The following C21orf58 variants were observed in gnomAD, a reference collection of about 807,000 sequenced individuals.
C21orf58 encodes the protein chromosome 21 open reading frame 58, also known as uncharacterized protein C21orf58.
C21orf58 carries 34 observed loss-of-function variants against 35.8 expected under a neutral mutation model. The observed-to-expected ratio is 0.95, with a 90% confidence interval of 0.72 to 1.26. C21orf58 has a LOEUF of 1.26. Ranked by LOEUF, C21orf58 falls within the 50% of genes most tolerant of loss-of-function variation. C21orf58 has a pLI of 0.00. For missense variants in C21orf58, 440 were observed against 414.3 expected, an observed-to-expected ratio of 1.06 and a Z score of -0.54; for synonymous variants, 191 against 175.8, an observed-to-expected ratio of 1.09 and a Z score of -0.68.
rs1323392392 is a variant in C21orf58 at position 46,303,151 on chromosome 21, C to T, written c.722-575G>A. On this transcript the variant is annotated intron_variant, in intron 6 of 7. Coordinates refer to ENST00000291691, the MANE Select transcript of C21orf58 (RefSeq NM_058180.5). ...TGTACTCCAGCCTGGGCAACCAGGGCGAAACTCCGTCTCAAGAAAAAAAAA... is the reference window on the plus strand; with the variant it reads ...TGTACTCCAGCCTGGGCAACCAGGGTGAAACTCCGTCTCAAGAAAAAAAAA... 2.6e-5 allele frequency among the ~76,000 whole-genome samples: 4 copies of T among 151,054 alleles called. No homozygotes were observed. The South Asian group carries it at 6.3e-4, about 24-fold the overall frequency.
At chr21:46,315,921 C>A (rs2082959386) in intron 3 of C21orf58, among the ~76,000 whole-genome samples, 1 of 152,146 alleles carries the variant, frequency 6.6e-6, no homozygotes, top group African/African-American at 2.4e-5. Context: ...ACCTTGGCCA[C>A]CTGGAGCCAC....
Position 46,322,662 on chromosome 21 carries a change from T to A in C21orf58, c.77A>T (p.Asp26Val). ...ACCACACAGAAGACTGTGGCCTGAGTCAGGAGAAGGAAGTTTCTGGCGGTC... is the reference window on the plus strand; with the variant it reads ...ACCACACAGAAGACTGTGGCCTGAGACAGGAGAAGGAAGTTTCTGGCGGTC... ...KLDRQKLPSP[D>V]SGHSLLCGWS... The change falls in exon 1 of 8, where the codon GAC (aspartate) becomes GTC (valine). Residue 26 changes from aspartate (D) to valine (V), a missense_variant. Transcript: ENST00000291691. 2 of 1,592,446 alleles carry A rather than the reference T, an allele frequency of 1.3e-6. No homozygotes were observed. The highest frequency in any genetic ancestry group is 1.7e-6 in the Non-Finnish European group (2 of 1,169,044).
chr21:46,315,384 T>C (rs1407636252), intron 4 of C21orf58, 90 bp downstream of exon 4: 6 of 853,210 alleles, frequency 7.0e-6, no homozygotes, highest in African/African-American at 1.7e-5. Flanking sequence ...AGGTCTTCCC[T>C]AATACTCCCC....
In C21orf58 at chr21:46,302,018, C is replaced by T. The variant is rs968643076; in HGVS notation, c.950G>A (p.Trp317Ter). 15 of 1,533,564 alleles carry T rather than the reference C, an allele frequency of 9.8e-6. No homozygotes were observed. In the African/African-American group the frequency reaches 1.5e-4, roughly 16 times the overall value. 95.0% of individuals were successfully genotyped at this position (1,533,564 alleles called of 1,614,324 possible). ...TCACACTCAGGGTGGGCCAGGCGTCCACAGGCTGGGGGCGGGCTGGAGGAC... is the reference window on the plus strand; with the variant it reads ...TCACACTCAGGGTGGGCCAGGCGTCTACAGGCTGGGGGCGGGCTGGAGGAC... ...ATVLQPAPSL[W>*]TPGPP The change falls in exon 8 of 8, where the codon TGG becomes TAG. Residue 317 changes from tryptophan (W) to a stop codon, truncating the protein, a stop_gained. Coordinates refer to ENST00000291691, the MANE Select transcript of C21orf58 (RefSeq NM_058180.5). LOFTEE classifies it low-confidence loss of function (END_TRUNC).
chr21:46,301,042 C>A, downstream of C21orf58: 1 of 1,036,556 alleles, frequency 9.6e-7, no homozygotes, highest in Non-Finnish European at 1.2e-6. Context: ...GCTGTGCAAA[C>A]CAGCATGTAG....
Position 46,318,545 on chromosome 21 carries a change from G to C in C21orf58, c.101-325C>G, listed in dbSNP as rs1452457535. ...CAGTCCAGAAGAACCTGTGTGTCAG[G>C]GGAGGGCGCCCCACCTGTGTACTGC... is the stretch of plus-strand genomic sequence containing the variant. On this transcript the variant is annotated intron_variant, in intron 1 of 7. Transcript: ENST00000291691. 17 of 1,243,508 alleles carry C rather than the reference G, an allele frequency of 1.4e-5. No individual in the cohort carries two copies. The South Asian group carries it at 2.3e-4, about 17-fold the overall frequency. 77.0% of individuals were successfully genotyped at this position (1,243,508 alleles called of 1,614,324 possible). A position where few individuals can be genotyped will look rare whatever the true frequency, so the allele number is the denominator to read the frequency against.
chr21:46,302,011 AGGCGTCCACAGGCTGGGGGCGG>A lies in C21orf58; in HGVS notation c.935_956del (p.Pro312LeufsTer80), dbSNP rs772765255. ...CTGTGACTCACACTCAGGGTGGGCC[AGGCGTCCACAGGCTGGGGGCGG>A]GCTGGAGGACAGTGGCAGCCCCAGG... On this transcript the variant is annotated frameshift_variant, in exon 8 of 8. Transcript: ENST00000291691. LOFTEE classifies it high-confidence loss of function. 1 of 1,531,442 alleles carries A rather than the reference AGGCGTCCACAGGCTGGGGGCGG, an allele frequency of 6.5e-7. No homozygotes were observed. Among genetic ancestry groups the A allele is most frequent in the Non-Finnish European group, 8.8e-7 (1 of 1,138,886 alleles). 94.9% of individuals were successfully genotyped at this position (1,531,442 alleles called of 1,614,324 possible). A position where few individuals can be genotyped will look rare whatever the true frequency, so the allele number is the denominator to read the frequency against.
At chr21:46,314,381 G>A (rs1484488576) in intron 5 of C21orf58, among the ~76,000 whole-genome samples, 1 of 152,090 alleles carries the variant, frequency 6.6e-6, no homozygotes, top group Non-Finnish European at 1.5e-5. Context: ...CCCGGCCAGT[G>A]ATAAAGTTCT....
Position 46,301,769 on chromosome 21 carries a change from C to A in C21orf58, c.*230G>T. On this transcript the variant is annotated 3_prime_UTR_variant, in exon 8 of 8. Coordinates refer to ENST00000291691, the MANE Select transcript of C21orf58 (RefSeq NM_058180.5). ...CTGTTGCCCTGGTGGGGTTCACAGGCCCCTCACTGCAGGGGACCCGGAGCA... is the reference window on the plus strand; with the variant it reads ...CTGTTGCCCTGGTGGGGTTCACAGGACCCTCACTGCAGGGGACCCGGAGCA... The A allele has an allele frequency of 8.1e-7, 1 of 1,229,848 alleles. No individual in the cohort carries two copies. The highest frequency in any genetic ancestry group is 1.0e-6 in the Non-Finnish European group (1 of 986,504). The allele number at this position is 1,229,848 out of a possible 1,614,324, so 76.2% of individuals were successfully genotyped here. A position where few individuals can be genotyped will look rare whatever the true frequency, so the allele number is the denominator to read the frequency against.
At chr21:46,317,605 C>G (rs970250207) in intron 2 of C21orf58, among the ~76,000 whole-genome samples, 3 of 152,260 alleles carry the variant, frequency 2.0e-5, no homozygotes, top group South Asian at 2.1e-4. Flanking sequence ...GATCACCCCC[C>G]ACCTGAACCC....
chr21:46,302,598 A>G, intron 6 of C21orf58, 22 bp from the exon 7 acceptor site: 1 of 1,584,984 alleles, frequency 6.3e-7, no homozygotes. Context: ...AAGCAGGGGG[A>G]CCCTGAATAA....
In C21orf58 at chr21:46,314,880, C is replaced by T. The variant is rs1220043016; in HGVS notation, c.445G>A (p.Glu149Lys). ...RRRDLLQRLREQHLLDELSRA... is the reference protein window; with the variant it reads ...RRRDLLQRLRKQHLLDELSRA... ...GAGAGCTCGTCCAGGAGGTGTTGTT[C>T]CTGCAAGGCCGATGCAGAGCTGCTG... is the stretch of plus-strand genomic sequence containing the variant. Residue 149 changes from glutamate to lysine, a missense_variant and splice_region_variant, in exon 5 of 8, where the codon GAA becomes AAA. By Grantham distance (56) the Glu-to-Lys change is moderately conservative (BLOSUM62 1). Coordinates refer to ENST00000291691, the MANE Select transcript of C21orf58 (RefSeq NM_058180.5). 4 of 1,550,334 alleles carry T rather than the reference C, an allele frequency of 2.6e-6. No individual in the cohort carries two copies. Among genetic ancestry groups the T allele is most frequent in the East Asian group, 2.4e-5 (1 of 40,914 alleles).
chr21:46,312,760 G>GT (rs746894591), intron 5 of C21orf58, among the ~76,000 whole-genome samples: 8 of 152,314 alleles, frequency 5.3e-5, no homozygotes, highest in Middle Eastern at 6.8e-3. Context: ...GACGGATGGT[G>GT]TTGAGCATCT....
At chr21:46,306,591 T>G (rs1010921353) in intron 6 of C21orf58, among the ~76,000 whole-genome samples, 1 of 152,192 alleles carries the variant, frequency 6.6e-6, no homozygotes, top group Non-Finnish European at 1.5e-5. Context: ...TTCCATTTAT[T>G]TATGTATTTA....
At position 46,301,975 on chromosome 21, in the gene C21orf58, G is replaced by A. The variant is rs371284029; in HGVS notation, c.*24C>T. On this transcript the variant is annotated 3_prime_UTR_variant, in exon 8 of 8. Coordinates refer to ENST00000291691, the MANE Select transcript of C21orf58 (RefSeq NM_058180.5). ...GAAGCCTGGGGGTGGAGGGTGCCCC[G>A]GCCAGGGTCTCTGTGACTCACACTC... 72 of 1,498,118 alleles carry A rather than the reference G, an allele frequency of 4.8e-5. No homozygotes were observed. The highest frequency in any genetic ancestry group is 3.4e-4 in the African/African-American group (24 of 71,062). 92.8% of individuals were successfully genotyped at this position (1,498,118 alleles called of 1,614,324 possible).
chr21:46,311,655 C>A, intron 5 of C21orf58, 88 bp from the exon 6 acceptor site: 1 of 546,694 alleles, frequency 1.8e-6, no homozygotes. Flanking sequence ...ACCCACCCAT[C>A]CAACCAACCA....
chr21:46,311,958 TCCAC>T (rs1338339146), intron 5 of C21orf58, among the ~76,000 whole-genome samples: 28 of 85,944 alleles, frequency 3.3e-4, no homozygotes, highest in African/African-American at 3.7e-4. Context: ...CACCCATCCA[TCCAC>T]CCACCCACCC....
At position 46,301,646 on chromosome 21, in the gene C21orf58, C is replaced by G; in HGVS notation, c.*353G>C. ...TTTATTTCATCAGGCTGGTGGCGTC[C>G]ACGGCCTCAACTTTACCTCCGTGAT... On this transcript the variant is annotated 3_prime_UTR_variant, in exon 8 of 8. Transcript: ENST00000291691. 9.2e-7 allele frequency: 1 copy of G among 1,091,350 alleles called. No homozygotes were observed. Among genetic ancestry groups the G allele is most frequent in the Non-Finnish European group, 1.1e-6 (1 of 898,408 alleles). 67.6% of individuals were successfully genotyped at this position (1,091,350 alleles called of 1,614,324 possible).
At position 46,314,706 on chromosome 21, in the gene C21orf58, G is replaced by C. The variant is rs1441940912; in HGVS notation, c.609+10C>G. 8 of 1,441,388 alleles carry C rather than the reference G, an allele frequency of 5.6e-6. 1 individual carries two copies. The highest frequency in any genetic ancestry group is 2.9e-5 in the African/African-American group (2 of 69,938). The allele number at this position is 1,441,388 out of a possible 1,614,324, so 89.3% of individuals were successfully genotyped here. A position where few individuals can be genotyped will look rare whatever the true frequency, so the allele number is the denominator to read the frequency against. ...ACTCTCAGATGTGCTCCTCGACTTC[G>C]CCCTCTTACCGTAGGCAGGATGATC... On this transcript the variant is annotated intron_variant, in intron 5 of 7. Coordinates refer to ENST00000291691, the MANE Select transcript of C21orf58 (RefSeq NM_058180.5).
Sources: gnomAD v4.1 joint callset for allele counts (sites outside exome capture counted in the v4.1 genomes callset) on GRCh38, gnomAD v4.1.1 for gene constraint, MANE v1.5 for transcripts, NCBI Gene and HGNC (gene_info 2026-07-23, HGNC 2026-07-21) for gene names.